Variants in CRYBA4 observed in about 807,000 individuals in gnomAD.
CRYBA4 encodes the protein beta-crystallin A4.
A neutral mutation model predicts 31.7 loss-of-function variants in CRYBA4; 30 were observed. The observed-to-expected ratio is 0.95, with a 90% CI of 0.71 to 1.28. The LOEUF (loss-of-function observed/expected upper bound fraction) is 1.28. Among genes scored for constraint, CRYBA4 ranks in the 50% most tolerant of loss-of-function variants. The probability of loss-of-function intolerance (pLI) is 0.00; values close to 1 mark genes in which losing one functional copy is unlikely to be tolerated. For synonymous variants in CRYBA4, 102 were observed against 102.3 expected, an observed-to-expected ratio of 1.00 and a Z score of 0.02; for missense variants, 225 against 260.7, an observed-to-expected ratio of 0.86 and a Z score of 0.94.
chr22:26,603,125 CAAAAAA>C, the CRYBA4 span, among the ~76,000 whole-genome samples: 1 of 69,352 alleles, frequency 1.4e-5, no homozygotes, highest in Admixed American at 1.5e-4. Context: ...GACTCCGTCT[CAAAAAA>C]AAAAAAAAAA....
At chr22:26,618,768 T>C (rs1447513462), upstream of CRYBA4, among the ~76,000 whole-genome samples, 1 of 152,194 alleles carries the variant, frequency 6.6e-6, no homozygotes, top group East Asian at 1.9e-4. Context: ...GACTTCCTCT[T>C]TGTAGGTTGG....
At chr22:26,612,852 C>T in the CRYBA4 span, among the ~76,000 whole-genome samples, 1 of 152,214 alleles carries the variant, frequency 6.6e-6, no homozygotes, top group African/African-American at 2.4e-5. Context: ...CAGGTGCCAC[C>T]TTCTCCAGGA....
At chr22:26,618,447 G>A (rs999468292), upstream of CRYBA4, among the ~76,000 whole-genome samples, 2 of 152,188 alleles carry the variant, frequency 1.3e-5, no homozygotes, top group Non-Finnish European at 2.9e-5. Context: ...TTATAAGGTG[G>A]GCACGTGTCC....
rs778397499 is a variant in CRYBA4, at chr22:26,625,534, G to C, written c.212G>C (p.Arg71Pro). The C allele has an allele frequency of 4.3e-6, 7 of 1,614,048 alleles. No individual in the cohort carries two copies. Among genetic ancestry groups the C allele is most frequent in the Non-Finnish European group, 5.9e-6 (7 of 1,180,022 alleles). The change falls in exon 4 of 6, where the codon CGA (arginine) becomes CCA (proline). Residue 71 changes from arginine to proline, a missense_variant. Physicochemically the swap from Arg to Pro is moderately radical, Grantham distance 103 (BLOSUM62 -2). Coordinates refer to ENST00000354760, the MANE Select transcript of CRYBA4 (RefSeq NM_001886.3). ...GFQGQQYILE[R>P]GEYPSWDAWG... ...CAAGGGCAGCAGTACATTCTGGAAC[G>C]AGGCGAATATCCAAGCTGGGATGCC... is the stretch of plus-strand genomic sequence containing the variant.
At chr22:26,604,886 G>A in the CRYBA4 span, among the ~76,000 whole-genome samples, 1 of 152,072 alleles carries the variant, frequency 6.6e-6, no homozygotes, top group African/African-American at 2.4e-5. Context: ...CTGCTAGAGG[G>A]GTCAAGACTG....
rs1168180620 is a variant in CRYBA4, at chr22:26,621,978, C to T, written c.-21C>T. 2 of 986,208 alleles carry T rather than the reference C, an allele frequency of 2.0e-6. No homozygotes were observed. Among genetic ancestry groups the T allele is most frequent in the East Asian group, 1.1e-4 (1 of 8,828 alleles). The allele number at this position is 986,208 out of a possible 1,614,324, so 61.1% of individuals were successfully genotyped here. A position where few individuals can be genotyped will look rare whatever the true frequency, so the allele number is the denominator to read the frequency against. On this transcript the variant is annotated 5_prime_UTR_variant, in exon 1 of 6. Transcript: ENST00000354760. The stretch of plus-strand genomic sequence containing the variant: ...TCTCAGATCTGACATGTTCCCTGGG[C>T]CTATCTCGGTAAGTCCCAGGTTTGG...
At chr22:26,616,325 C>T in the CRYBA4 span, 95 of 1,612,486 alleles carry the variant, frequency 5.9e-5, no homozygotes, top group East Asian at 2.0e-3. Flanking sequence ...GACATGGTTC[C>T]CGCCTGCAAA....
the CRYBA4 span, chr22:26,599,540 A>C: frequency 6.2e-7 from 1 of 1,614,048 alleles, no homozygotes; most frequent in Non-Finnish European, 8.5e-7. Context: ...TCGAGGTGCC[A>C]CTGCTTGTCA....
the CRYBA4 span, chr22:26,616,457 A>C: frequency 1.4e-6 from 1 of 726,266 alleles, no homozygotes. Flanking sequence ...TCCTTCTGAA[A>C]CGGTTAAGCC....
Position 26,625,642 on chromosome 22 carries a change from C to T in CRYBA4, c.300+20C>T, listed in dbSNP as rs763715606. On this transcript the variant is annotated intron_variant, in intron 4 of 5. Transcript: ENST00000354760. Reference sequence around the variant, plus strand: ...TGTGCTGTAAGTTCTACCACTGCTGCATCCCGGGGAGGCCCAAGCCCCTCA... The same window carrying T: ...TGTGCTGTAAGTTCTACCACTGCTGTATCCCGGGGAGGCCCAAGCCCCTCA... 8 of 1,612,806 alleles carry T rather than the reference C, an allele frequency of 5.0e-6. No homozygotes were observed. The South Asian group carries it at 7.7e-5, about 16-fold the overall frequency.
chr22:26,624,471 AGTTTG>A, intron 3 of CRYBA4, among the ~76,000 whole-genome samples: 2 of 152,254 alleles, frequency 1.3e-5, no homozygotes, highest in African/African-American at 4.8e-5. Context: ...AGGTTGTAGA[AGTTTG>A]GAAAGTAGAT....
chr22:26,625,288 C>A (rs1002021815), intron 3 of CRYBA4, among the ~76,000 whole-genome samples, 193 bp from the exon 4 acceptor site: 2 of 152,154 alleles, frequency 1.3e-5, no homozygotes, highest in Non-Finnish European at 2.9e-5. Context: ...TGGCCTCTAC[C>A]CGATAGATGG....
At chr22:26,604,439 C>T in the CRYBA4 span, among the ~76,000 whole-genome samples, 1 of 152,184 alleles carries the variant, frequency 6.6e-6, no homozygotes, top group Non-Finnish European at 1.5e-5. Context: ...GAGCCCAGAA[C>T]GTAAGTGCAT....
chr22:26,596,553 AC>A, the CRYBA4 span: 2 of 152,366 alleles, frequency 1.3e-5, no homozygotes, highest in Admixed American at 1.3e-4. Context: ...TGATCAGAAA[AC>A]AATTGTGTTA....
At chr22:26,620,280 A>G (rs1481453050), upstream of CRYBA4, among the ~76,000 whole-genome samples, 2 of 152,160 alleles carry the variant, frequency 1.3e-5, no homozygotes, top group Non-Finnish European at 2.9e-5. Context: ...TGATGGAAAT[A>G]CCACAATATT....
At chr22:26,612,038 C>CAG in the CRYBA4 span, 1 of 1,470,742 alleles carries the variant, frequency 6.8e-7, no homozygotes, top group Non-Finnish European at 9.5e-7. Flanking sequence ...TTTACTGTGG[C>CAG]AGAGAGTGTG....
chr22:26,627,368 CTTTCTTTCTTTCTT>C (rs1366315326), intron 4 of CRYBA4, among the ~76,000 whole-genome samples: 29 of 41,438 alleles, frequency 7.0e-4, no homozygotes, highest in Non-Finnish European at 1.0e-3. Flanking sequence ...TCCTTTCTTT[CTTTCTTTCTTTCTT>C]TCTTTCTTTC....
the CRYBA4 span, among the ~76,000 whole-genome samples, chr22:26,614,664 A>C: frequency 6.6e-6 from 1 of 152,212 alleles, no homozygotes; most frequent in Non-Finnish European, 1.5e-5. Context: ...AGAAAAGCCC[A>C]GAATAATCAC....
the CRYBA4 span, chr22:26,599,185 C>G: frequency 2.5e-6 from 1 of 407,014 alleles, no homozygotes. Flanking sequence ...TCTGGGTTTC[C>G]CCTGCTAGGT....
Sources: gnomAD v4.1 joint callset for allele counts (sites outside exome capture counted in the v4.1 genomes callset) on GRCh38, gnomAD v4.1.1 for gene constraint, MANE v1.5 for transcripts, NCBI Gene and HGNC (gene_info 2026-07-23, HGNC 2026-07-21) for gene names.